DCN: variants seen among roughly 807,000 people sequenced by gnomAD.
DCN encodes bone proteoglycan II.
DCN carries 17 observed loss-of-function variants against 36.5 expected under a neutral mutation model. The ratio of observed to expected loss-of-function variants is 0.47; its 90% confidence interval spans 0.32 to 0.70. The LOEUF is 0.70. Among genes scored for constraint, DCN ranks in the 30% least tolerant of loss-of-function variants. The pLI is 0.04. For synonymous variants in DCN, 163 were observed against 161.4 expected (o/e 1.01, Z -0.07); for missense variants, 389 against 430.1 (o/e 0.90, Z 0.84).
At chr12:91,147,380 G>A (rs1881094424) in intron 7 of DCN, among the ~76,000 whole-genome samples, 2 of 152,158 alleles carry the variant, frequency 1.3e-5, no homozygotes, top group African/African-American at 4.8e-5. Context: ...CTCTGGGGCA[G>A]AATTACGTTA....
rs556706567 is a variant in DCN, at chr12:91,162,393, T to C, written c.324+2212A>G. On this transcript the variant is annotated intron_variant, in intron 3 of 7. Coordinates refer to ENST00000052754, the MANE Select transcript of DCN (RefSeq NM_001920.5). The stretch of plus-strand genomic sequence containing the variant: ...TTGTAAAGTTTATAACTAAATGGTA[T>C]CTTCATTATAGTAACTCTGTAATAA... Among the ~76,000 whole-genome samples, 44 of 152,336 alleles carry C rather than the reference T, an allele frequency of 2.9e-4. No homozygotes were observed. In the East Asian group the frequency reaches 4.1e-3, roughly 14 times the overall value.
intron 3 of DCN, among the ~76,000 whole-genome samples, chr12:91,164,354 C>A (rs1882362061): frequency 1.2e-5 from 1 of 86,694 alleles, no homozygotes; most frequent in Non-Finnish European, 2.1e-5. Flanking sequence ...TACCCTAAAA[C>A]TTAGAGTATA....
In DCN at chr12:91,178,362, A is replaced by G; in HGVS notation, c.191T>C (p.Val64Ala). The part of the protein sequence containing the change: ...CPFRCQCHLR[V>A]VQCSDLGLDK... ...CTCACCCAAATCAGAACACTGGACC[A>G]CTCGAAGATGGCATTGACAGCGGAA... Residue 64 changes from valine to alanine, a missense_variant, in exon 2 of 8, where the codon GTG becomes GCG. Coordinates refer to ENST00000052754, the MANE Select transcript of DCN (RefSeq NM_001920.5). 1 of 1,613,806 alleles carries G rather than the reference A, an allele frequency of 6.2e-7. No homozygotes were observed. The highest frequency in any genetic ancestry group is 8.5e-7 in the Non-Finnish European group (1 of 1,179,922).
At chr12:91,168,793 C>A (rs1466731336) in intron 2 of DCN, among the ~76,000 whole-genome samples, 1 of 152,172 alleles carries the variant, frequency 6.6e-6, no homozygotes, top group African/African-American at 2.4e-5. Flanking sequence ...TTCCCATTAT[C>A]TGCACCTGAA....
Position 91,153,999 on chromosome 12 carries a change from A to G in DCN, c.653-810T>C, listed in dbSNP as rs1271523508. Among the ~76,000 whole-genome samples the G allele has an allele frequency of 5.3e-5, 8 of 152,128 alleles. 1 individual carries two copies. The highest frequency in any genetic ancestry group is 1.2e-4 in the Non-Finnish European group (8 of 67,962). Reference sequence around the variant, plus strand: ...TATTTTATACAGCTTTTAAAATAACATATTGTTCCACTTAATAGCAATAGA... The same window carrying G: ...TATTTTATACAGCTTTTAAAATAACGTATTGTTCCACTTAATAGCAATAGA... On this transcript the variant is annotated intron_variant, in intron 5 of 7. Coordinates refer to ENST00000052754, the MANE Select transcript of DCN (RefSeq NM_001920.5).
At position 91,158,506 on chromosome 12, in the gene DCN, A is replaced by C; in HGVS notation, c.328T>G (p.Leu110Val). 1 of 1,497,902 alleles carries C rather than the reference A, an allele frequency of 6.7e-7. No individual in the cohort carries two copies. The highest frequency in any genetic ancestry group is 9.3e-7 in the Non-Finnish European group (1 of 1,074,062). The allele number at this position is 1,497,902 out of a possible 1,614,324, so 92.8% of individuals were successfully genotyped here. A position where few individuals can be genotyped will look rare whatever the true frequency, so the allele number is the denominator to read the frequency against. The change falls in exon 4 of 8, where the codon TTG becomes GTG. Residue 110 changes from leucine (L) to valine (V), a missense_variant. Coordinates refer to ENST00000052754, the MANE Select transcript of DCN (RefSeq NM_001920.5). ...DFKNLKNLHALILVNNKISKV... is the reference protein window; with the variant it reads ...DFKNLKNLHAVILVNNKISKV... Reference sequence around the variant, plus strand: ...CTAATTTTATTGTTGACAAGAATCAATGCCTGTAGATAGTGAAGAAAAACA... The same window carrying C: ...CTAATTTTATTGTTGACAAGAATCACTGCCTGTAGATAGTGAAGAAAAACA...
rs759071149 is a variant in DCN at position 91,178,558 on chromosome 12, ATC to A, written c.-8_-7del. On this transcript the variant is annotated 5_prime_UTR_variant, in exon 2 of 8. It removes the in-frame stop codon of an upstream open reading frame in the 5' UTR. Transcript: ENST00000052754. ...AGGATGATAGTGGCCTTCATGATTT[ATC>A]TCATGTATTTTCACAACCAGGGAAC... 1 of 1,613,184 alleles carries A rather than the reference ATC, an allele frequency of 6.2e-7. No homozygotes were observed. The highest frequency in any genetic ancestry group is 8.5e-7 in the Non-Finnish European group (1 of 1,179,332).
chr12:91,172,894 T>C (rs1396771934), intron 2 of DCN: 2 of 600,394 alleles, frequency 3.3e-6, no homozygotes, highest in South Asian at 2.1e-5. Flanking sequence ...AAAATAGATA[T>C]ATAAAAAGAT....
intron 2 of DCN, among the ~76,000 whole-genome samples, chr12:91,167,527 C>G (rs1239861471): frequency 7.2e-5 from 11 of 151,928 alleles, no homozygotes; most frequent in Admixed American, 5.9e-4. Flanking sequence ...AGACCATTTC[C>G]TGCCTTCACT....
rs1245786341 is a variant in DCN, at chr12:91,164,520, T to C, written c.324+85A>G. On this transcript the variant is annotated intron_variant, in intron 3 of 7. Coordinates refer to ENST00000052754, the MANE Select transcript of DCN (RefSeq NM_001920.5). ...ACTAATGTGCTTCTTTGTTGGTACA[T>C]AGTACTCTTGGCCTTATCTAGGTAG... The C allele has an allele frequency of 4.2e-6, 3 of 718,704 alleles. No homozygotes were observed. The South Asian group carries it at 4.3e-5, about 10-fold the overall frequency. The allele number at this position is 718,704 out of a possible 1,614,324, so 44.5% of individuals were successfully genotyped here. A position where few individuals can be genotyped will look rare whatever the true frequency, so the allele number is the denominator to read the frequency against.
rs986482236 is a variant in DCN at position 91,177,517 on chromosome 12, T to C, written c.211+825A>G. ...TTCAAAAGGAGGAATGTGAATGAGC[T>C]GCCATGTAAACTGAGTTCATTCCCC... is the stretch of plus-strand genomic sequence containing the variant. On this transcript the variant is annotated intron_variant, in intron 2 of 7. Transcript: ENST00000052754. The C allele has an allele frequency of 5.7e-6, 4 of 695,908 alleles. No homozygotes were observed. The East Asian group carries it at 1.1e-4, about 19-fold the overall frequency. 43.1% of individuals were successfully genotyped at this position (695,908 alleles called of 1,614,324 possible).
intron 7 of DCN, among the ~76,000 whole-genome samples, chr12:91,148,587 G>A (rs1234883538): frequency 2.0e-5 from 3 of 151,574 alleles, no homozygotes; most frequent in Non-Finnish European, 4.4e-5. Context: ...ATGGCGGCAC[G>A]TGCCTGTAAT....
intron 1 of DCN, among the ~76,000 whole-genome samples, chr12:91,181,253 G>T (rs1868391370): frequency 6.6e-6 from 1 of 151,760 alleles, no homozygotes; most frequent in Admixed American, 6.6e-5. Flanking sequence ...AAAAATAATT[G>T]CATGTCCAGA....
chr12:91,167,105 C>CCACATGACTTTTTTTT (rs2121263537), intron 2 of DCN, among the ~76,000 whole-genome samples: 1 of 152,190 alleles, frequency 6.6e-6, no homozygotes, highest in East Asian at 1.9e-4. Flanking sequence ...TGACAACTCT[C>CCACATGACTTTTTTTT]CTGGCTTCCA....
chr12:91,176,815 C>T (rs143707055), intron 2 of DCN: 50 of 152,186 alleles, frequency 3.3e-4, no homozygotes, highest in African/African-American at 7.2e-4. Flanking sequence ...GGAACTTCGC[C>T]ATTTTAGTAA....
intron 7 of DCN, chr12:91,150,986 C>T (rs943463946): frequency 6.6e-6 from 1 of 152,620 alleles, no homozygotes; most frequent in African/African-American, 2.4e-5. Context: ...AGCAAACTAA[C>T]ACAGGAACAG....
chr12:91,156,947 A>G (rs1345599056), intron 5 of DCN, 128 bp downstream of exon 5: 2 of 669,246 alleles, frequency 3.0e-6, no homozygotes, highest in East Asian at 5.6e-5. Context: ...CACTAGCAGT[A>G]ATAGAGAATT....
At chr12:91,154,419 T>C (rs1456688404) in intron 5 of DCN, among the ~76,000 whole-genome samples, 1 of 150,550 alleles carries the variant, frequency 6.6e-6, no homozygotes, top group African/African-American at 2.5e-5. Flanking sequence ...AGTTACAAAG[T>C]AATTACAAAG....
chr12:91,158,212 T>A (rs1193417045), intron 4 of DCN, 84 bp downstream of exon 4: 3 of 868,354 alleles, frequency 3.5e-6, no homozygotes, highest in Non-Finnish European at 5.9e-6. Context: ...GTAGCTAATT[T>A]ACCTTCCTGC....
Sources: allele counts gnomAD v4.1 joint callset (sites outside exome capture counted in the v4.1 genomes callset), GRCh38; gene constraint gnomAD v4.1.1; transcripts MANE v1.5; gene names NCBI Gene and HGNC (gene_info 2026-07-23, HGNC 2026-07-21).